Variants in EIF3M observed in about 807,000 individuals in gnomAD.
The protein encoded by EIF3M is B5 receptor.
A neutral mutation model predicts 49.7 loss-of-function variants in EIF3M; 25 were observed. The ratio of observed to expected loss-of-function variants is 0.50; its 90% CI spans 0.37 to 0.70. The LOEUF (loss-of-function observed/expected upper bound fraction) is 0.70, where lower values mean the gene tolerates loss of function less well. Ranked by LOEUF, EIF3M falls within the 30% of genes least tolerant of loss-of-function variation. The pLI is 0.00. For synonymous variants in EIF3M, 156 were observed against 149.8 expected (o/e 1.04, Z -0.30); for missense variants, 350 against 440.0 (o/e 0.80, Z 1.83).
rs139971850 is a variant in EIF3M, at chr11:32,602,354, T to A, written c.1080T>A (p.Asn360Lys). Residue 360 changes from asparagine to lysine, a missense_variant, in exon 11 of 11, where the codon AAT becomes AAA. Coordinates refer to ENST00000531120, the MANE Select transcript of EIF3M (RefSeq NM_006360.6). Reference sequence around the variant, plus strand: ...ACACACTTAATGCCTGGAAACAAAATCTGAACAAAGTGAAAAACAGCCTTT... The same window carrying A: ...ACACACTTAATGCCTGGAAACAAAAACTGAACAAAGTGAAAAACAGCCTTT... ...LYDTLNAWKQ[N>K]LNKVKNSLLS... is the part of the protein sequence containing the mutation. The A allele has an allele frequency of 2.1e-4, 345 of 1,612,566 alleles. 1 individual carries two copies. The highest frequency in any genetic ancestry group is 1.7e-3 in the Middle Eastern group (10 of 6,054).
chr11:32,602,731 T>TACA lies in EIF3M; in HGVS notation c.*336_*338dup, dbSNP rs1173514602. Reference sequence around the variant, plus strand: ...CAAAGACAAACTGTAGAGCTTTAAATACAACAGTCATTTTATTCTAGTAAA... The same window carrying TACA: ...CAAAGACAAACTGTAGAGCTTTAAATACAACAACAGTCATTTTATTCTAGTAAA... On this transcript the variant is annotated 3_prime_UTR_variant, in exon 11 of 11. Coordinates refer to ENST00000531120, the MANE Select transcript of EIF3M (RefSeq NM_006360.6). 3 of 1,111,312 alleles carry TACA rather than the reference T, an allele frequency of 2.7e-6. No individual in the cohort carries two copies. The highest frequency in any genetic ancestry group is 3.4e-5 in the South Asian group (2 of 59,462). 68.8% of individuals were successfully genotyped at this position (1,111,312 alleles called of 1,614,324 possible).
intron 6 of EIF3M, chr11:32,594,171 G>T (rs1279006350): frequency 8.7e-6 from 3 of 343,826 alleles, no homozygotes; most frequent in East Asian, 4.4e-5. Context: ...TTACCTGGCG[G>T]GGGGGGTATT....
intron 8 of EIF3M, among the ~76,000 whole-genome samples, chr11:32,599,694 A>G (rs1855232168): frequency 6.6e-6 from 1 of 151,958 alleles, no homozygotes; most frequent in Admixed American, 6.6e-5. Flanking sequence ...TTAGCATCAA[A>G]ACAAGTATAT....
intron 8 of EIF3M, among the ~76,000 whole-genome samples, chr11:32,597,528 TGTCTAGCG>T (rs1855199243): frequency 1.3e-5 from 2 of 152,258 alleles, no homozygotes; most frequent in Admixed American, 6.5e-5. Flanking sequence ...TGAATTTTCT[TGTCTAGCG>T]TATCAGTTCA....
In EIF3M at chr11:32,603,056, T is replaced by C. The variant is rs1419429616; in HGVS notation, c.*657T>C. 1 of 1,504,294 alleles carries C rather than the reference T, an allele frequency of 6.6e-7. No individual in the cohort carries two copies. The highest frequency in any genetic ancestry group is 2.0e-5 in the Admixed American group (1 of 48,876). 93.2% of individuals were successfully genotyped at this position (1,504,294 alleles called of 1,614,324 possible). On this transcript the variant is annotated 3_prime_UTR_variant, in exon 11 of 11. Transcript: ENST00000531120. ...TAAACTAATTTTACCTTCGAAATTA[T>C]TATACAAAAGATTTTAAAGAGTCTG...
chr11:32,593,181 T>A (rs1855128608), intron 5 of EIF3M, among the ~76,000 whole-genome samples: 1 of 152,246 alleles, frequency 6.6e-6, no homozygotes, highest in Admixed American at 6.5e-5. Context: ...TTCCTCCTAG[T>A]TAGCAAAGCT....
chr11:32,593,977 G>T (rs2133199330), intron 6 of EIF3M, 28 bp downstream of exon 6: 1 of 1,413,938 alleles, frequency 7.1e-7, no homozygotes, highest in Non-Finnish European at 9.4e-7. Context: ...TCTGATGAGG[G>T]TTTGACAGCG....
chr11:32,600,122 T>C lies in EIF3M; in HGVS notation c.800-567T>C, dbSNP rs546815604. Among the ~76,000 whole-genome samples, 4 of 151,996 alleles carry C rather than the reference T, an allele frequency of 2.6e-5. No individual in the cohort carries two copies. The South Asian group carries it at 8.3e-4, about 31-fold the overall frequency. ...TTAAATGACACACACACTTTGACAG[T>C]TTTGGTTTGTAAGTAGTTTTGATTT... On this transcript the variant is annotated intron_variant, in intron 8 of 10. Transcript: ENST00000531120.
chr11:32,584,607 CAAAAAAAA>C (rs796738414), intron 1 of EIF3M, among the ~76,000 whole-genome samples: 3 of 62,312 alleles, frequency 4.8e-5, no homozygotes, highest in Admixed American at 2.4e-4. Flanking sequence ...GAGTCCCTCT[CAAAAAAAA>C]AAAAAAAAAA....
intron 4 of EIF3M, among the ~76,000 whole-genome samples, 178 bp downstream of exon 4, chr11:32,589,313 AT>A (rs1220625864): frequency 6.6e-6 from 1 of 152,004 alleles, no homozygotes; most frequent in Non-Finnish European, 1.5e-5. Flanking sequence ...AGCAGCTGGG[AT>A]TACAGGCATG....
At position 32,586,012 on chromosome 11, in the gene EIF3M, C is replaced by T. The variant is rs181336383; in HGVS notation, c.43-1000C>T. Among the ~76,000 whole-genome samples, 34 of 152,248 alleles carry T rather than the reference C, an allele frequency of 2.2e-4. No homozygotes were observed. In the East Asian group the frequency reaches 3.9e-3, roughly 17 times the overall value. ...TGGGAGGCCGAGGCCCGTGGATCACCGGAGGTCAGGTGTTTGAGACCAGCC... is the reference window on the plus strand; with the variant it reads ...TGGGAGGCCGAGGCCCGTGGATCACTGGAGGTCAGGTGTTTGAGACCAGCC... On this transcript the variant is annotated intron_variant, in intron 1 of 10. Coordinates refer to ENST00000531120, the MANE Select transcript of EIF3M (RefSeq NM_006360.6).
At position 32,583,867 on chromosome 11, in the gene EIF3M, C is replaced by T. The variant is rs770753336; in HGVS notation, c.-21C>T. 37 of 1,611,460 alleles carry T rather than the reference C, an allele frequency of 2.3e-5. No individual in the cohort carries two copies. Among genetic ancestry groups the T allele is most frequent in the South Asian group, 1.5e-4 (14 of 90,834 alleles). ...GGCGTGGTCTTGCGAGTGGAGTGTC[C>T]GCTGTGCCCGGGCCTGCACCATGAG... is the stretch of plus-strand genomic sequence containing the variant. On this transcript the variant is annotated 5_prime_UTR_variant, in exon 1 of 11. Coordinates refer to ENST00000531120, the MANE Select transcript of EIF3M (RefSeq NM_006360.6).
chr11:32,592,262 A>G lies in EIF3M; in HGVS notation c.534-1604A>G, dbSNP rs372538578. On this transcript the variant is annotated intron_variant, in intron 5 of 10. Transcript: ENST00000531120. ...GTTTAAAAAGGGCCCTTTTCACTTC[A>G]CTAACGCCTGTTAATAGAGTGTTAT... The G allele has an allele frequency of 7.1e-5, 32 of 448,870 alleles. No individual in the cohort carries two copies. In the Middle Eastern group the frequency reaches 3.1e-3, roughly 44 times the overall value. 27.8% of individuals were successfully genotyped at this position (448,870 alleles called of 1,614,324 possible).
At chr11:32,591,995 A>G (rs1855110037) in intron 5 of EIF3M, 2 of 253,402 alleles carry the variant, frequency 7.9e-6, no homozygotes, top group Non-Finnish European at 1.6e-5. Flanking sequence ...TGCTGCCACC[A>G]TATCTACCAC....
rs143460676 is a variant in EIF3M at position 32,598,569 on chromosome 11, T to A, written c.800-2120T>A. ...TAAGGGTTTTAAGTTTGGTTCTTTG[T>A]TACTTTAAACATCAATTTAAAGTGT... On this transcript the variant is annotated intron_variant, in intron 8 of 10. Coordinates refer to ENST00000531120, the MANE Select transcript of EIF3M (RefSeq NM_006360.6). 2.4e-4 allele frequency among the ~76,000 whole-genome samples: 36 copies of A among 152,240 alleles called. 1 individual carries two copies. In the East Asian group the frequency reaches 6.7e-3, roughly 29 times the overall value.
At position 32,592,618 on chromosome 11, in the gene EIF3M, A is replaced by G. The variant is rs1292939334; in HGVS notation, c.534-1248A>G. On this transcript the variant is annotated intron_variant, in intron 5 of 10. Transcript: ENST00000531120. ...GTCACAAAACCAGAGTTTGTGGAAC[A>G]TTTTGTTTGGGGGTCTCTGATTACC... is the stretch of plus-strand genomic sequence containing the variant. 7.7e-6 allele frequency: 4 copies of G among 522,374 alleles called. No homozygotes were observed. The Admixed American group carries it at 8.2e-5, about 11-fold the overall frequency. 32.4% of individuals were successfully genotyped at this position (522,374 alleles called of 1,614,324 possible).
chr11:32,588,660 C>T lies in EIF3M; in HGVS notation c.242C>T (p.Ala81Val), dbSNP rs779918356. Reference sequence around the variant, plus strand: ...ATCCTGGAACCAGACAAGCAAGAAGCTTTGATTGAAAGCCTATGTGAAAAG... The same window carrying T: ...ATCCTGGAACCAGACAAGCAAGAAGTTTTGATTGAAAGCCTATGTGAAAAG... ...LLILEPDKQE[A>V]LIESLCEKLV... Residue 81 changes from alanine to valine, a missense_variant, in exon 3 of 11, where the codon GCT becomes GTT. Ala to Val is a moderately conservative substitution (Grantham distance 64). Transcript: ENST00000531120. The T allele has an allele frequency of 1.2e-5, 19 of 1,614,176 alleles. No individual in the cohort carries two copies. Among genetic ancestry groups the T allele is most frequent in the Non-Finnish European group, 1.6e-5 (19 of 1,180,032 alleles).
In EIF3M at chr11:32,600,995, T is replaced by A. The variant is rs1855253651; in HGVS notation, c.943+163T>A. The stretch of plus-strand genomic sequence containing the variant: ...GGATATATTTGTTGTAGGGTGAAAA[T>A]TTAGTAGAAATATAAACTGCTATAT... On this transcript the variant is annotated intron_variant, in intron 9 of 10. Coordinates refer to ENST00000531120, the MANE Select transcript of EIF3M (RefSeq NM_006360.6). 3 of 885,508 alleles carry A rather than the reference T, an allele frequency of 3.4e-6. No individual in the cohort carries two copies. The East Asian group carries it at 8.7e-5, about 26-fold the overall frequency. 54.9% of individuals were successfully genotyped at this position (885,508 alleles called of 1,614,324 possible).
intron 5 of EIF3M, among the ~76,000 whole-genome samples, chr11:32,592,957 C>T (rs1855125966): frequency 6.6e-6 from 1 of 152,224 alleles, no homozygotes; most frequent in South Asian, 2.1e-4. Flanking sequence ...TGTGCCTAGG[C>T]ATTTATATCA....
Sources: allele counts gnomAD v4.1 joint callset (sites outside exome capture counted in the v4.1 genomes callset), GRCh38; gene constraint gnomAD v4.1.1; transcripts MANE v1.5; gene names NCBI Gene and HGNC (gene_info 2026-07-23, HGNC 2026-07-21).